RFC3: variants seen among roughly 807,000 people sequenced by gnomAD.
The protein encoded by RFC3 is A1 38 kDa subunit.
A neutral mutation model predicts 45.1 loss-of-function variants in RFC3; 41 were observed. That is an observed-to-expected ratio of 0.91 (90% confidence interval 0.71 to 1.18). RFC3 has a LOEUF of 1.18. Ranked by LOEUF, RFC3 falls within the 50% of genes most tolerant of loss-of-function variation. The pLI, the probability that RFC3 is intolerant of heterozygous loss-of-function variation, is 0.00. For missense variants in RFC3, 423 were observed against 428.1 expected (o/e 0.99, Z 0.10); for synonymous variants, 149 against 144.0 (o/e 1.03, Z -0.25).
intron 8 of RFC3, among the ~76,000 whole-genome samples, chr13:33,907,073 C>T (rs887837310): frequency 1.3e-5 from 2 of 152,068 alleles, no homozygotes; most frequent in African/African-American, 4.8e-5. Flanking sequence ...ATCCTCTTGC[C>T]TCAGCCTCTC....
At chr13:33,922,910 T>A (rs528108699) in intron 8 of RFC3, among the ~76,000 whole-genome samples, 120 of 152,252 alleles carry the variant, frequency 7.9e-4, no homozygotes, top group African/African-American at 2.8e-3. Flanking sequence ...AATTAACTTA[T>A]GATATATGTA....
chr13:33,913,308 C>T (rs747158807), intron 8 of RFC3, among the ~76,000 whole-genome samples: 14 of 151,910 alleles, frequency 9.2e-5, no homozygotes, highest in African/African-American at 2.9e-4. Flanking sequence ...ACTGGGGGAA[C>T]GGGAGAAGGA....
At chr13:33,966,507 A>G (rs990851842) in exon 9 of RFC3, 1 of 222,274 alleles carries the variant, frequency 4.5e-6, no homozygotes, top group Non-Finnish European at 9.0e-6. Flanking sequence ...TAATAAGTAC[A>G]ACTACCTATG....
At chr13:33,878,150 G>T (rs1312699194) in intron 8 of RFC3, among the ~76,000 whole-genome samples, 1 of 152,072 alleles carries the variant, frequency 6.6e-6, no homozygotes, top group Non-Finnish European at 1.5e-5. Context: ...TTTTATTATT[G>T]TTCTGTATTA....
chr13:33,854,228 A>G (rs111611564), intron 8 of RFC3, among the ~76,000 whole-genome samples: 4,520 of 152,258 alleles, frequency 0.03, 134 homozygotes, highest in African/African-American at 0.069. Context: ...CTTCTCTCTT[A>G]CTATGGTAGA....
At chr13:33,879,298 C>T (rs1358706026) in intron 8 of RFC3, among the ~76,000 whole-genome samples, 1 of 152,138 alleles carries the variant, frequency 6.6e-6, no homozygotes, top group Non-Finnish European at 1.5e-5. Flanking sequence ...ATTTCCTTTT[C>T]TAATGTTCTT....
intron 8 of RFC3, among the ~76,000 whole-genome samples, chr13:33,857,665 C>G (rs1182093145): frequency 6.6e-6 from 1 of 152,144 alleles, no homozygotes; most frequent in Non-Finnish European, 1.5e-5. Context: ...TCTCTTTGCT[C>G]ATTAAAACCC....
chr13:33,888,389 C>T (rs957149118), intron 8 of RFC3, among the ~76,000 whole-genome samples: 10 of 152,234 alleles, frequency 6.6e-5, no homozygotes, highest in Non-Finnish European at 1.2e-4. Context: ...AGTAGTCACT[C>T]CTAGTTAACC....
intron 8 of RFC3, among the ~76,000 whole-genome samples, chr13:33,941,353 C>T (rs1320279906): frequency 1.3e-5 from 2 of 152,062 alleles, no homozygotes; most frequent in Admixed American, 6.6e-5. Context: ...ACACTGCCAC[C>T]CTTTATTCCT....
intron 8 of RFC3, among the ~76,000 whole-genome samples, chr13:33,935,115 A>G (rs1278338582): frequency 1.3e-5 from 2 of 152,030 alleles, no homozygotes; most frequent in East Asian, 3.9e-4. Flanking sequence ...ATGTTATAAT[A>G]TATTATTTTC....
At chr13:33,976,997 T>C in the RFC3 span, among the ~76,000 whole-genome samples, 1 of 152,160 alleles carries the variant, frequency 6.6e-6, no homozygotes, top group African/African-American at 2.4e-5. Context: ...GGCACTTTAC[T>C]TCTGTGGGCT....
chr13:33,877,930 C>T (rs780597327), intron 8 of RFC3, among the ~76,000 whole-genome samples: 26 of 151,126 alleles, frequency 1.7e-4, no homozygotes, highest in Admixed American at 7.9e-4. Flanking sequence ...GCTATTATAG[C>T]CTCTGCCCTC....
chr13:33,937,896 G>T (rs931540079), intron 8 of RFC3, among the ~76,000 whole-genome samples: 2 of 152,058 alleles, frequency 1.3e-5, no homozygotes, highest in Non-Finnish European at 2.9e-5. Context: ...GGAGTATCTG[G>T]CTCTCCTAGT....
intron 8 of RFC3, among the ~76,000 whole-genome samples, chr13:33,873,794 G>A (rs755123170): frequency 3.3e-5 from 5 of 152,184 alleles, no homozygotes; most frequent in Admixed American, 6.5e-5. Context: ...TGGCTCACAG[G>A]AAATGCTCCG....
intron 8 of RFC3, among the ~76,000 whole-genome samples, chr13:33,961,700 G>A (rs1488298325): frequency 3.9e-5 from 6 of 152,174 alleles, no homozygotes. Flanking sequence ...ACTGCAGTTA[G>A]GAGGCAGGCT....
chr13:33,833,593 A>G (rs958182384), intron 7 of RFC3, among the ~76,000 whole-genome samples: 3 of 152,152 alleles, frequency 2.0e-5, no homozygotes, highest in Non-Finnish European at 2.9e-5. Flanking sequence ...CTAACACAAG[A>G]TGCATGTTAA....
intron 8 of RFC3, among the ~76,000 whole-genome samples, chr13:33,853,673 A>G (rs1031104445): frequency 3.3e-5 from 5 of 152,192 alleles, no homozygotes; most frequent in African/African-American, 7.2e-5. Flanking sequence ...CAAGGGGCAG[A>G]AAAAGGTACC....
At chr13:33,877,022 G>C (rs1051757682) in intron 8 of RFC3, among the ~76,000 whole-genome samples, 3 of 152,212 alleles carry the variant, frequency 2.0e-5, no homozygotes, top group African/African-American at 7.2e-5. Context: ...CTTTCCTGGG[G>C]AGGAGGCAAG....
rs1263964594 is a variant in RFC3 at position 33,886,556 on chromosome 13, GA to G, written c.879+51347del. The stretch of plus-strand genomic sequence containing the variant: ...TCTGAAAAAAGAAAAAAAAAAAAAA[GA>G]AAAAAAACCCATCATTATTTCAGCC... On this transcript the variant is annotated intron_variant, in intron 8 of 8. Coordinates refer to the RFC3 transcript ENST00000434425. 9.0e-3 allele frequency among the ~76,000 whole-genome samples: 1,316 copies of G among 145,636 alleles called. 20 individuals are homozygous for G. Among genetic ancestry groups the G allele is most frequent in the African/African-American group, 0.031 (1,223 of 39,524 alleles).
Sources: gnomAD v4.1 joint callset for allele counts (sites outside exome capture counted in the v4.1 genomes callset) on GRCh38, gnomAD v4.1.1 for gene constraint, MANE v1.5 for transcripts, NCBI Gene and HGNC (gene_info 2026-07-23, HGNC 2026-07-21) for gene names.